Variants in IL1RAPL2 observed in about 807,000 individuals in gnomAD.
The protein encoded by IL1RAPL2 is interleukin 1 receptor accessory protein like 2.
A neutral mutation model predicts 44.1 loss-of-function variants in IL1RAPL2; 3 were observed. That is an observed-to-expected ratio of 0.07 (90% CI 0.03 to 0.18). IL1RAPL2 has a LOEUF of 0.18. IL1RAPL2 is among the 10% of genes least tolerant of loss of function. The probability of loss-of-function intolerance (pLI) is 1.00; values close to 1 mark genes in which losing one functional copy is unlikely to be tolerated. For missense variants in IL1RAPL2, 391 were observed against 496.4 expected, an observed-to-expected ratio of 0.79 and a Z score of 2.02; for synonymous variants, 181 against 178.8, an observed-to-expected ratio of 1.01 and a Z score of -0.10.
At chrX:105,132,418 G>T (rs1056105013) in intron 2 of IL1RAPL2, among the ~76,000 whole-genome samples, 1 of 110,704 alleles carries the variant, frequency 9.0e-6, no homozygotes. Context: ...AAGGAGGTGA[G>T]GATCCTTATA....
intron 6 of IL1RAPL2, among the ~76,000 whole-genome samples, chrX:105,635,414 G>T (rs1365275613): frequency 8.9e-6 from 1 of 111,792 alleles, no homozygotes; most frequent in Non-Finnish European, 1.9e-5. Context: ...ATATTAAGAA[G>T]ACCAGAGGTT....
chrX:104,583,700 C>T (rs760333313), intron 1 of IL1RAPL2, among the ~76,000 whole-genome samples: 3 of 111,831 alleles, frequency 2.7e-5, no homozygotes, highest in Non-Finnish European at 5.6e-5. Flanking sequence ...AGTCTTACAG[C>T]TTCTTACATC....
At chrX:105,670,050 AT>A (rs1236903770) in intron 6 of IL1RAPL2, among the ~76,000 whole-genome samples, 9 of 86,497 alleles carry the variant, frequency 1.0e-4, no homozygotes, top group African/African-American at 3.4e-4. Context: ...GTACTTTTAC[AT>A]TTTTGTAAAA....
At chrX:105,045,535 G>A (rs2031825879) in intron 2 of IL1RAPL2, among the ~76,000 whole-genome samples, 1 of 111,040 alleles carries the variant, frequency 9.0e-6, no homozygotes, top group African/African-American at 3.3e-5. Context: ...TAGTAGTACT[G>A]CTTGACTTTT....
rs184536289 is a variant in IL1RAPL2 at position 105,716,528 on chromosome X, A to T, written c.773-839A>T. 3.6e-5 allele frequency among the ~76,000 whole-genome samples: 4 copies of T among 111,540 alleles called. No individual in the cohort carries two copies. In the Admixed American group the frequency reaches 3.8e-4, roughly 11 times the overall value. On this transcript the variant is annotated intron_variant, in intron 6 of 10. Coordinates refer to ENST00000372582, the MANE Select transcript of IL1RAPL2 (RefSeq NM_017416.2). ...GCCCACAGCCACTTGGATGCTTCCT[A>T]CTCACACTGAAGTGGATCTTGCCAC...
intron 6 of IL1RAPL2, among the ~76,000 whole-genome samples, chrX:105,509,242 A>G (rs924611219): frequency 8.9e-6 from 1 of 112,271 alleles, no homozygotes; most frequent in Non-Finnish European, 1.9e-5. Context: ...AGGCTATTTC[A>G]TATAAGATCA....
At chrX:105,047,904 G>A (rs1245716430) in intron 2 of IL1RAPL2, among the ~76,000 whole-genome samples, 2 of 111,779 alleles carry the variant, frequency 1.8e-5, no homozygotes, top group Non-Finnish European at 3.8e-5. Context: ...CCTTCTGGGA[G>A]TCAGTAGATT....
chrX:105,313,777 C>T (rs1250248719), intron 5 of IL1RAPL2, among the ~76,000 whole-genome samples: 1 of 111,418 alleles, frequency 9.0e-6, no homozygotes, highest in African/African-American at 3.3e-5. Flanking sequence ...AGTTTAATAA[C>T]ATAACTGCTT....
intron 10 of IL1RAPL2, among the ~76,000 whole-genome samples, chrX:105,766,558 C>A (rs768323629): frequency 9.0e-6 from 1 of 111,000 alleles, no homozygotes; most frequent in Admixed American, 9.6e-5. Context: ...AGAAGAAAAG[C>A]AAACAAAACC....
In IL1RAPL2 at chrX:105,685,917, G is replaced by T. The variant is rs210424; in HGVS notation, c.773-31450G>T. ...AATATTCAACATTCTTAAAATAAAA[G>T]AATTTTCAACCCAAAATTTCATATC... On this transcript the variant is annotated intron_variant, in intron 6 of 10. Coordinates refer to ENST00000372582, the MANE Select transcript of IL1RAPL2 (RefSeq NM_017416.2). 8.0e-3 allele frequency among the ~76,000 whole-genome samples: 895 copies of T among 111,264 alleles called. 9 individuals carry two copies. The highest frequency in any genetic ancestry group is 0.061 in the South Asian group (159 of 2,604).
intron 6 of IL1RAPL2, among the ~76,000 whole-genome samples, chrX:105,490,086 C>T (rs1362263657): frequency 9.0e-6 from 1 of 110,865 alleles, no homozygotes; most frequent in East Asian, 2.8e-4. Context: ...CCTCGGCCTC[C>T]CAAAGTGCTG....
At chrX:105,231,637 T>C (rs2034072129) in intron 3 of IL1RAPL2, among the ~76,000 whole-genome samples, 1 of 112,354 alleles carries the variant, frequency 8.9e-6, no homozygotes, top group Non-Finnish European at 1.9e-5. Flanking sequence ...TTCCTTGCCC[T>C]TTTTAGTGCA....
intron 4 of IL1RAPL2, among the ~76,000 whole-genome samples, chrX:105,235,686 C>T (rs1161419494): frequency 8.9e-6 from 1 of 112,331 alleles, no homozygotes; most frequent in Non-Finnish European, 1.9e-5. Flanking sequence ...AACATATAGA[C>T]TACAGGTAAT....
At chrX:105,512,286 G>A (rs966293275) in intron 6 of IL1RAPL2, among the ~76,000 whole-genome samples, 1 of 111,641 alleles carries the variant, frequency 9.0e-6, no homozygotes, top group Non-Finnish European at 1.9e-5. Context: ...ATCTATTGGT[G>A]AATTCTGTTC....
intron 2 of IL1RAPL2, among the ~76,000 whole-genome samples, chrX:105,050,754 A>G (rs1188971989): frequency 3.6e-5 from 4 of 112,015 alleles, no homozygotes; most frequent in Admixed American, 9.4e-5. Context: ...CTCAGAGGAG[A>G]CCTGCAGTAC....
At chrX:104,606,990 A>G (rs1183912608) in intron 1 of IL1RAPL2, among the ~76,000 whole-genome samples, 1 of 112,006 alleles carries the variant, frequency 8.9e-6, no homozygotes, top group Non-Finnish European at 1.9e-5. Context: ...TTCAAACTAT[A>G]CTACAAAGCT....
chrX:105,183,264 G>GTT (rs2033552481), intron 2 of IL1RAPL2, among the ~76,000 whole-genome samples: 1 of 111,397 alleles, frequency 9.0e-6, no homozygotes, highest in East Asian at 2.8e-4. Context: ...AATGGTTGGT[G>GTT]TTACTTGGAG....
rs1294445998 is a variant in IL1RAPL2 at position 104,904,777 on chromosome X, C to G, written c.82+245782C>G. ...GCAATAAACATACATGTGCATGTGT[C>G]TTTATAGCAGCATGATTTATAGTCC... On this transcript the variant is annotated intron_variant, in intron 2 of 10. Transcript: ENST00000372582. 2.7e-5 allele frequency among the ~76,000 whole-genome samples: 3 copies of G among 109,494 alleles called. No homozygotes were observed. The Admixed American group carries it at 2.9e-4, about 11-fold the overall frequency.
At chrX:105,473,313 A>G (rs1051303136) in intron 5 of IL1RAPL2, among the ~76,000 whole-genome samples, 4 of 111,751 alleles carry the variant, frequency 3.6e-5, no homozygotes, top group Non-Finnish European at 5.7e-5. Flanking sequence ...ACTCACAATC[A>G]TGGAAAGTTC....
Sources: allele counts gnomAD v4.1 joint callset (sites outside exome capture counted in the v4.1 genomes callset), GRCh38; gene constraint gnomAD v4.1.1; transcripts MANE v1.5; gene names NCBI Gene and HGNC (gene_info 2026-07-23, HGNC 2026-07-21).